The following SLX9 variants were observed in gnomAD, a reference collection of about 807,000 sequenced individuals.
SLX9 encodes the protein ribosome biogenesis protein SLX9 homolog.
In SLX9, 19 loss-of-function variants were observed where a neutral mutation model predicts 20.8. The observed-to-expected ratio is 0.91, with a 90% CI of 0.64 to 1.34. The LOEUF is 1.34. SLX9 is among the 40% of genes most tolerant of loss of function. The pLI, the probability that SLX9 is intolerant of heterozygous loss-of-function variation, is 0.00. For missense variants in SLX9, 299 were observed against 322.2 expected, an observed-to-expected ratio of 0.93 and a Z score of 0.55; for synonymous variants, 113 against 137.1, an observed-to-expected ratio of 0.82 and a Z score of 1.23.
intron 3 of SLX9, among the ~76,000 whole-genome samples, chr21:44,966,369 G>C (rs1458158774): frequency 6.6e-6 from 1 of 152,220 alleles, no homozygotes; most frequent in Middle Eastern, 3.2e-3. Context: ...GCCCTGAAGA[G>C]AGCAGGCCGT....
In SLX9 at chr21:44,960,638, A is replaced by C. The variant is rs9975267; in HGVS notation, c.352+470A>C. Among the ~76,000 whole-genome samples, 620 of 152,360 alleles carry C rather than the reference A, an allele frequency of 4.1e-3. 8 individuals are homozygous for C. The highest frequency in any genetic ancestry group is 0.014 in the African/African-American group (562 of 41,582). On this transcript the variant is annotated intron_variant, in intron 3 of 5. Coordinates refer to ENST00000291634, the MANE Select transcript of SLX9 (RefSeq NM_058190.4). Reference sequence around the variant, plus strand: ...TCCAGGCCTTGCCCGCGGTGAAAACAGTGTCTGCGCATAGCGGCGTGGGTG... The same window carrying C: ...TCCAGGCCTTGCCCGCGGTGAAAACCGTGTCTGCGCATAGCGGCGTGGGTG...
At chr21:44,970,463 A>C (rs1462803359) in intron 4 of SLX9, among the ~76,000 whole-genome samples, 1 of 151,940 alleles carries the variant, frequency 6.6e-6, no homozygotes, top group Non-Finnish European at 1.5e-5. Flanking sequence ...CGCATCTTGG[A>C]CATCTCCTGC....
chr21:44,946,329 C>T (rs944218091), intron 2 of SLX9, among the ~76,000 whole-genome samples: 9 of 152,128 alleles, frequency 5.9e-5, no homozygotes, highest in Non-Finnish European at 7.3e-5. Flanking sequence ...CCCGTTCTGG[C>T]GCTCCCCAGC....
chr21:44,958,686 G>A (rs1489328400), intron 2 of SLX9, among the ~76,000 whole-genome samples: 2 of 152,254 alleles, frequency 1.3e-5, no homozygotes, highest in East Asian at 1.9e-4. Flanking sequence ...CCCGGAAAGC[G>A]GCGGGAGCTG....
chr21:44,967,405 C>A (rs2085058243), intron 4 of SLX9, among the ~76,000 whole-genome samples: 1 of 152,190 alleles, frequency 6.6e-6, no homozygotes, highest in South Asian at 2.1e-4. Flanking sequence ...CCAGGCCCAC[C>A]CTTGTGAGGA....
chr21:44,974,948 C>T (rs1009591166), intron 5 of SLX9, among the ~76,000 whole-genome samples: 2 of 152,224 alleles, frequency 1.3e-5, no homozygotes, highest in African/African-American at 2.4e-5. Context: ...CCGCACCCCT[C>T]GGTGCCCCCA....
rs186182756 is a variant in SLX9, at chr21:44,954,470, G to A, written c.284-5630G>A. Among the ~76,000 whole-genome samples, 17 of 152,322 alleles carry A rather than the reference G, an allele frequency of 1.1e-4. No individual in the cohort carries two copies. The East Asian group carries it at 3.1e-3, about 28-fold the overall frequency. On this transcript the variant is annotated intron_variant, in intron 2 of 5. Coordinates refer to ENST00000291634, the MANE Select transcript of SLX9 (RefSeq NM_058190.4). ...TGGGGGCTGCCCGATGCAGCACTTT[G>A]GGAGCTCCGGCCGTCGGCAGGTTTG...
At chr21:44,941,267 A>G (rs1601364456) in intron 1 of SLX9, among the ~76,000 whole-genome samples, 1 of 151,772 alleles carries the variant, frequency 6.6e-6, no homozygotes, top group Non-Finnish European at 1.5e-5. Flanking sequence ...TCATGCTGGC[A>G]GGTAGGAGCA....
chr21:44,960,023 C>T (rs1174481059), intron 2 of SLX9, 77 bp from the exon 3 acceptor site: 17 of 1,328,150 alleles, frequency 1.3e-5, no homozygotes, highest in Non-Finnish European at 1.8e-5. Flanking sequence ...GCAGTCAGGA[C>T]CCGCCCCAGC....
At chr21:44,965,701 A>G (rs1422787721) in intron 3 of SLX9, among the ~76,000 whole-genome samples, 2 of 152,154 alleles carry the variant, frequency 1.3e-5, no homozygotes, top group Non-Finnish European at 2.9e-5. Flanking sequence ...CTGCTTGGGC[A>G]CAAGGTATCC....
At chr21:44,951,135 C>G (rs977203691) in intron 2 of SLX9, among the ~76,000 whole-genome samples, 1 of 152,168 alleles carries the variant, frequency 6.6e-6, no homozygotes, top group Non-Finnish European at 1.5e-5. Flanking sequence ...GAAGATTCCT[C>G]TGGGCTTGGC....
At chr21:44,968,840 G>T (rs62214513) in intron 4 of SLX9, among the ~76,000 whole-genome samples, 22,099 of 148,324 alleles carry the variant, frequency 0.15, 1,735 homozygotes, top group Admixed American at 0.22. Context: ...TGCAAGCTCC[G>T]CCTCCTGGGT....
At chr21:44,960,053 G>T in intron 2 of SLX9, 47 bp from the exon 3 acceptor site, 2 of 1,566,350 alleles carry the variant, frequency 1.3e-6, no homozygotes, top group Non-Finnish European at 1.8e-6. Flanking sequence ...GGTCATGGGA[G>T]TGCCACCTGG....
intron 2 of SLX9, among the ~76,000 whole-genome samples, chr21:44,957,424 A>T (rs913346909): frequency 3.9e-5 from 6 of 152,056 alleles, no homozygotes; most frequent in African/African-American, 1.4e-4. Context: ...GCTCCTGAAG[A>T]CTCAGGCAAG....
chr21:44,939,911 G>A (rs1368519417), upstream of SLX9: 3 of 792,934 alleles, frequency 3.8e-6, no homozygotes, highest in Non-Finnish European at 3.7e-6. Flanking sequence ...CTACACCCGC[G>A]ACCCTGCGCC....
At chr21:44,955,136 A>G (rs11088974) in intron 2 of SLX9, among the ~76,000 whole-genome samples, 61,653 of 151,228 alleles carry the variant, frequency 0.41, 15,134 homozygotes, top group South Asian at 0.67. Flanking sequence ...GAATGGCTTG[A>G]ACCCAGAAGG....
chr21:44,962,286 C>T lies in SLX9; in HGVS notation c.352+2118C>T, dbSNP rs1325602493. 2.0e-5 allele frequency among the ~76,000 whole-genome samples: 3 copies of T among 152,156 alleles called. No individual in the cohort carries two copies. The East Asian group carries it at 5.8e-4, about 29-fold the overall frequency. Reference sequence around the variant, plus strand: ...ATCCTGTTCAGGTTATGGACCATCACCACCATTCCCCGACAGTCACGCACC... The same window carrying T: ...ATCCTGTTCAGGTTATGGACCATCATCACCATTCCCCGACAGTCACGCACC... On this transcript the variant is annotated intron_variant, in intron 3 of 5. Transcript: ENST00000291634.
chr21:44,945,806 G>T (rs1051054161), intron 2 of SLX9, among the ~76,000 whole-genome samples: 5 of 152,250 alleles, frequency 3.3e-5, no homozygotes, highest in Non-Finnish European at 5.9e-5. Context: ...CGCCTCCTGG[G>T]TTCAAGTGAT....
intron 2 of SLX9, among the ~76,000 whole-genome samples, chr21:44,953,580 G>A (rs2084801065): frequency 6.6e-6 from 1 of 152,220 alleles, no homozygotes; most frequent in Admixed American, 6.5e-5. Flanking sequence ...GGCCTCGGGA[G>A]CCTGTCCTGT....
Sources: allele counts gnomAD v4.1 joint callset (sites outside exome capture counted in the v4.1 genomes callset), GRCh38; gene constraint gnomAD v4.1.1; transcripts MANE v1.5; gene names NCBI Gene and HGNC (gene_info 2026-07-23, HGNC 2026-07-21).